Variants in NCOR2 observed in about 807,000 individuals in gnomAD.
NCOR2 encodes the protein CTG repeat protein 26.
NCOR2 carries 81 observed loss-of-function variants against 262.9 expected under a neutral mutation model. The ratio of observed to expected loss-of-function variants is 0.31; its 90% CI spans 0.26 to 0.37. The LOEUF is 0.37. Ranked by LOEUF, NCOR2 falls within the 10% of genes least tolerant of loss-of-function variation. NCOR2 has a pLI of 1.00. For missense variants in NCOR2, 3,385 were observed against 3,621.4 expected (o/e 0.93, Z 1.68); for synonymous variants, 1,659 against 1,559.3 (o/e 1.06, Z -1.51).
intron 1 of NCOR2, among the ~76,000 whole-genome samples, chr12:124,493,209 G>A (rs1593809527): frequency 6.6e-6 from 1 of 152,342 alleles, no homozygotes; most frequent in African/African-American, 2.4e-5. Context: ...GAGAGCAGAG[G>A]CCACAGCAGC....
intron 3 of NCOR2, among the ~76,000 whole-genome samples, chr12:124,477,087 A>G (rs1392771322): frequency 1.3e-5 from 2 of 152,080 alleles, no homozygotes; most frequent in South Asian, 2.1e-4. Context: ...TTGCCAGGAA[A>G]AAGGAGGAGG....
At chr12:124,545,101 G>A (rs182233016) in intron 1 of NCOR2, among the ~76,000 whole-genome samples, 87 of 152,130 alleles carry the variant, frequency 5.7e-4, no homozygotes, top group Non-Finnish European at 1.1e-3. Flanking sequence ...GCTCACCATC[G>A]GGGTTCACCA....
chr12:124,467,800 A>T (rs1263657198), intron 4 of NCOR2, among the ~76,000 whole-genome samples: 1 of 42,320 alleles, frequency 2.4e-5, no homozygotes, highest in Middle Eastern at 0.018. Flanking sequence ...CATCACCCCC[A>T]TCATCCTCAT....
intron 17 of NCOR2, among the ~76,000 whole-genome samples, chr12:124,383,837 G>T (rs1431836975): frequency 1.3e-5 from 2 of 152,342 alleles, no homozygotes; most frequent in East Asian, 3.9e-4. Flanking sequence ...CCCCAGTCTC[G>T]CCCTGGGCCT....
chr12:124,394,188 A>G (rs1338564920), intron 16 of NCOR2, among the ~76,000 whole-genome samples: 1 of 152,338 alleles, frequency 6.6e-6, no homozygotes, highest in Non-Finnish European at 1.5e-5. Context: ...CTGAGTGCCT[A>G]CTGTATACCA....
At chr12:124,462,643 G>A (rs1315386393) in intron 5 of NCOR2, among the ~76,000 whole-genome samples, 2 of 152,354 alleles carry the variant, frequency 1.3e-5, no homozygotes, top group East Asian at 3.9e-4. Flanking sequence ...CCTGGCCCAG[G>A]ATGCTGAGGC....
intron 22 of NCOR2, among the ~76,000 whole-genome samples, chr12:124,359,530 C>T (rs957792270): frequency 2.0e-5 from 3 of 152,234 alleles, no homozygotes. Flanking sequence ...GGGGAATTCT[C>T]ATTCTTAACC....
upstream of NCOR2, among the ~76,000 whole-genome samples, chr12:124,497,838 G>A (rs529329789): frequency 6.6e-6 from 1 of 152,316 alleles, no homozygotes; most frequent in South Asian, 2.1e-4. The surrounding 1 kb of genome is among the most constrained non-coding windows in gnomAD (Gnocchi z 4.2). Context: ...ATGATGGGGA[G>A]GCAAGGCACA....
intron 1 of NCOR2, chr12:124,513,133 C>T (rs1421132832): frequency 6.6e-6 from 1 of 152,390 alleles, no homozygotes; most frequent in African/African-American, 2.4e-5. Context: ...CAGCTGCCCA[C>T]CCAGCCTCTG....
At chr12:124,372,356 C>T (rs2039575380) in exon 20 of NCOR2, 2 of 1,515,082 alleles carry the variant, frequency 1.3e-6, no homozygotes, top group Non-Finnish European at 8.8e-7. Flanking sequence ...TCCTTCTCCT[C>T]CTTGGGGACC....
chr12:124,377,502 G>A (rs947682005), intron 18 of NCOR2, among the ~76,000 whole-genome samples: 1 of 152,126 alleles, frequency 6.6e-6, no homozygotes, highest in African/African-American at 2.4e-5. Flanking sequence ...TGACAGATAG[G>A]TTCTATTTAT....
chr12:124,455,403 C>A (rs992248896), intron 6 of NCOR2, among the ~76,000 whole-genome samples: 1 of 152,226 alleles, frequency 6.6e-6, no homozygotes, highest in Non-Finnish European at 1.5e-5. Context: ...GGGGGCAGAG[C>A]CCTGAAGGGG....
chr12:124,552,857 G>GT (rs975752706), intron 1 of NCOR2, among the ~76,000 whole-genome samples: 1 of 152,052 alleles, frequency 6.6e-6, no homozygotes, highest in African/African-American at 2.4e-5. Context: ...AGTTTTCTAT[G>GT]TTTTTTATAG....
At chr12:124,358,473 C>T (rs1486618880) in intron 22 of NCOR2, among the ~76,000 whole-genome samples, 3 of 152,118 alleles carry the variant, frequency 2.0e-5, no homozygotes, top group South Asian at 2.1e-4. Flanking sequence ...AAGCCCAGAC[C>T]CTCCAAGTAA....
In NCOR2 at chr12:124,495,178, G is replaced by A; in HGVS notation, c.74C>T (p.Ser25Phe). ...CGTCCGGGCGATCTGCACTGGGTAG[G>A]AAAGGCTGTGGGGCGGGTAGCGGGG... The change falls in exon 1 of 47, where the codon TCC becomes TTC. Residue 25 changes from serine to phenylalanine, a missense_variant. Around this residue, in one of 5 missense-constraint regions of NCOR2, gnomAD observed 237 missense variants for 229.4 expected, o/e 1.03. Transcript: ENST00000405201. The surrounding 1 kb of genome is among the most constrained non-coding windows in gnomAD (Gnocchi z 4.4). 6.2e-7 allele frequency: 1 copy of A among 1,614,020 alleles called. No individual in the cohort carries two copies. Among genetic ancestry groups the A allele is most frequent in the South Asian group, 1.1e-5 (1 of 91,084 alleles).
intron 7 of NCOR2, among the ~76,000 whole-genome samples, chr12:124,446,644 T>C (rs542384197): frequency 6.6e-6 from 1 of 152,294 alleles, no homozygotes; most frequent in East Asian, 1.9e-4. Flanking sequence ...CTCTGGCTAA[T>C]GTCACCCCCT....
chr12:124,520,071 G>A (rs544557027), intron 1 of NCOR2, among the ~76,000 whole-genome samples: 2 of 152,326 alleles, frequency 1.3e-5, no homozygotes, highest in Admixed American at 6.5e-5. Context: ...GACTGGCCAC[G>A]AGGGGATGAG....
At chr12:124,340,938 G>A (rs950632533) in intron 34 of NCOR2, among the ~76,000 whole-genome samples, 187 bp from the exon 37 acceptor site, 2 of 152,138 alleles carry the variant, frequency 1.3e-5, no homozygotes, top group African/African-American at 2.4e-5. Context: ...AGGTTCTCTC[G>A]GTACCACCTC....
intron 25 of NCOR2, 120 bp from the exon 28 acceptor site, chr12:124,354,702 AG>A (rs1440220438): frequency 7.7e-7 from 1 of 1,292,646 alleles, no homozygotes; most frequent in Non-Finnish European, 1.0e-6. Context: ...TGTTCCAGCC[AG>A]GGCTGCTGAG....
Sources: allele counts gnomAD v4.1 joint callset (sites outside exome capture counted in the v4.1 genomes callset), GRCh38; gene constraint gnomAD v4.1.1; regional missense constraint gnomAD v4.1.1; non-coding constraint Gnocchi (gnomAD v3.1); transcripts MANE v1.5; gene names NCBI Gene and HGNC (gene_info 2026-07-23, HGNC 2026-07-21).